Variants in STAB2 observed in about 807,000 individuals in gnomAD.
STAB2 encodes the protein stabilin 2, also known as stabilin-2.
In STAB2, 288 loss-of-function variants were observed where a neutral mutation model predicts 338.1. The observed-to-expected ratio is 0.85, with a 90% CI of 0.77 to 0.94. The LOEUF is 0.94. Among genes scored for constraint, STAB2 ranks in the 40% least tolerant of loss-of-function variants. STAB2 has a pLI of 0.00. For missense variants in STAB2, 3,141 were observed against 3,210.1 expected, an observed-to-expected ratio of 0.98 and a Z score of 0.52; for synonymous variants, 1,202 against 1,193.3, an observed-to-expected ratio of 1.01 and a Z score of -0.15.
chr12:103,658,521 G>A (rs1046426999), intron 15 of STAB2, among the ~76,000 whole-genome samples: 1 of 152,160 alleles, frequency 6.6e-6, no homozygotes, highest in African/African-American at 2.4e-5. Flanking sequence ...CTGAGGCTTT[G>A]AAAGTGGATT....
At chr12:103,618,117 C>G (rs1957239456) in intron 3 of STAB2, among the ~76,000 whole-genome samples, 1 of 152,184 alleles carries the variant, frequency 6.6e-6, no homozygotes, top group Non-Finnish European at 1.5e-5. Context: ...TCTTCAAGAA[C>G]TGCTGCTATG....
intron 43 of STAB2, among the ~76,000 whole-genome samples, chr12:103,717,277 G>A (rs1489653878): frequency 6.6e-6 from 1 of 152,138 alleles, no homozygotes; most frequent in African/African-American, 2.4e-5. Context: ...CCAACTTCCT[G>A]GGCCAACCAA....
intron 37 of STAB2, among the ~76,000 whole-genome samples, chr12:103,706,502 C>T (rs1879357975): frequency 6.6e-6 from 1 of 152,192 alleles, no homozygotes; most frequent in South Asian, 2.1e-4. Context: ...TTAGTTTCTT[C>T]TGCTGCCCCT....
At position 103,624,676 on chromosome 12, in the gene STAB2, C is replaced by T. The variant is rs149575913; in HGVS notation, c.487+2565C>T. Among the ~76,000 whole-genome samples, 574 of 152,312 alleles carry T rather than the reference C, an allele frequency of 3.8e-3. 5 individuals carry two copies. The highest frequency in any genetic ancestry group is 0.013 in the African/African-American group (548 of 41,560). On this transcript the variant is annotated intron_variant, in intron 5 of 68. Transcript: ENST00000388887. ...GATATTGGAGCTGGGCTCAGTGGCT[C>T]ACGCCTGTAATCCCAACACTTTGGG...
chr12:103,643,858 C>T (rs569594680), intron 9 of STAB2, among the ~76,000 whole-genome samples: 19 of 147,866 alleles, frequency 1.3e-4, no homozygotes, highest in African/African-American at 3.5e-4. Context: ...CCCGGCCAGC[C>T]GCCCCGTCCG....
chr12:103,710,108 C>A (rs756165501), intron 39 of STAB2, among the ~76,000 whole-genome samples: 2 of 152,174 alleles, frequency 1.3e-5, no homozygotes, highest in Non-Finnish European at 1.5e-5. Context: ...CCGTACTCCC[C>A]ACTACTGCCA....
intron 20 of STAB2, 86 bp downstream of exon 20, chr12:103,668,815 G>A (rs1875428115): frequency 2.4e-6 from 3 of 1,228,682 alleles, no homozygotes; most frequent in Non-Finnish European, 3.3e-6. Flanking sequence ...GGGTCCACGT[G>A]GTCACAGGTG....
intron 19 of STAB2, among the ~76,000 whole-genome samples, chr12:103,667,503 C>T (rs1037078809): frequency 2.6e-5 from 4 of 152,154 alleles, no homozygotes; most frequent in Admixed American, 6.5e-5. Context: ...CATGTTTAAT[C>T]ACCATTCTAT....
chr12:103,657,226 TAAAAAAAAAAAA>T (rs140834161), intron 15 of STAB2, among the ~76,000 whole-genome samples: 1 of 116,410 alleles, frequency 8.6e-6, no homozygotes, highest in Non-Finnish European at 1.8e-5. Context: ...TAAAGTGAGC[TAAAAAAAAAAAA>T]AAAAAAAAGG....
intron 67 of STAB2, 69 bp downstream of exon 67, chr12:103,762,471 C>A: frequency 6.2e-7 from 1 of 1,608,238 alleles, no homozygotes. Context: ...ACCTGGGCTG[C>A]TTCAGTCGGT....
chr12:103,660,555 C>A, intron 16 of STAB2, 128 bp from the exon 17 acceptor site: 1 of 1,305,492 alleles, frequency 7.7e-7, no homozygotes, highest in Non-Finnish European at 1.1e-6. Context: ...GCCACAAAAA[C>A]TCTTGAGATC....
At chr12:103,749,661 C>G (rs1205199006) in intron 59 of STAB2, among the ~76,000 whole-genome samples, 1 of 143,290 alleles carries the variant, frequency 7.0e-6, no homozygotes, top group Non-Finnish European at 1.5e-5. Context: ...AACCCCATGT[C>G]TACTAAAAAA....
At chr12:103,657,994 T>G (rs1874318472) in intron 15 of STAB2, 1 of 152,222 alleles carries the variant, frequency 6.6e-6, no homozygotes, top group Admixed American at 6.5e-5. Context: ...TACTTCTCTC[T>G]GAGGCAAAAT....
chr12:103,650,425 C>T, intron 10 of STAB2, 71 bp from the exon 11 acceptor site: 1 of 1,370,080 alleles, frequency 7.3e-7, no homozygotes, highest in Non-Finnish European at 1.0e-6. Context: ...AGACCTGTTG[C>T]CTGATTTTAC....
chr12:103,737,672 G>A lies in STAB2; in HGVS notation c.5589G>A (p.Val1863=), dbSNP rs184373214. The A allele has an allele frequency of 4.9e-5, 78 of 1,599,110 alleles. 1 individual carries two copies. In the Admixed American group the frequency reaches 1.1e-3, roughly 22 times the overall value. The part of the protein sequence containing the change: ...LFLNGQTCRI[V]QRELLFDLGV... The stretch of plus-strand genomic sequence containing the variant: ...TGAATGGCCAAACCTGCAGAATTGT[G>A]CAGCGGGAGCTCTTGTTTGACCTGG... Residue 1863 remains valine (V), a synonymous_variant, in exon 53 of 69, where the codon GTG becomes GTA. Coordinates refer to ENST00000388887, the MANE Select transcript of STAB2 (RefSeq NM_017564.10).
rs529792381 is a variant in STAB2 at position 103,707,135 on chromosome 12, A to G, written c.4192+148A>G. The G allele has an allele frequency of 8.1e-5, 68 of 837,876 alleles. No homozygotes were observed. In the Admixed American group the frequency reaches 1.2e-3, roughly 15 times the overall value. 51.9% of individuals were successfully genotyped at this position (837,876 alleles called of 1,614,324 possible). On this transcript the variant is annotated intron_variant, in intron 38 of 68. Transcript: ENST00000388887. ...ACCTGCTACTATCACTGTGAATTAT[A>G]AGAGCATCTGTGTTGTCATTTGCAT...
chr12:103,619,142 G>A (rs879579177), intron 3 of STAB2, among the ~76,000 whole-genome samples: 1 of 152,154 alleles, frequency 6.6e-6, no homozygotes, highest in Non-Finnish European at 1.5e-5. Context: ...TTTATTAGCA[G>A]CATGAGAATG....
In STAB2 at chr12:103,713,630, T is replaced by C. The variant is rs2139011686; in HGVS notation, c.4412-13T>C. The C allele has an allele frequency of 6.2e-7, 1 of 1,613,528 alleles. No homozygotes were observed. Among genetic ancestry groups the C allele is most frequent in the South Asian group, 1.1e-5 (1 of 91,066 alleles). ...CTTCCCTCTCCCCTTCTGCTCTGTG[T>C]CATCTTCTATAGCAATCAATGCCTG... On this transcript the variant is annotated splice_polypyrimidine_tract_variant and intron_variant, in intron 41 of 68. Transcript: ENST00000388887.
chr12:103,745,350 G>A lies in STAB2; in HGVS notation c.6136+73G>A, dbSNP rs560322695. 9 of 1,372,424 alleles carry A rather than the reference G, an allele frequency of 6.6e-6. No homozygotes were observed. In the South Asian group the frequency reaches 9.4e-5, roughly 14 times the overall value. 85.0% of individuals were successfully genotyped at this position (1,372,424 alleles called of 1,614,324 possible). ...ACACTGCCAAGAGCATACAAGTGAG[G>A]TTGGGAGTCTGAGTGACATCTGAAA... On this transcript the variant is annotated intron_variant, in intron 57 of 68. Coordinates refer to ENST00000388887, the MANE Select transcript of STAB2 (RefSeq NM_017564.10).
Sources: allele counts gnomAD v4.1 joint callset (sites outside exome capture counted in the v4.1 genomes callset), GRCh38; gene constraint gnomAD v4.1.1; transcripts MANE v1.5; gene names NCBI Gene and HGNC (gene_info 2026-07-23, HGNC 2026-07-21).